The following NPC1L1 variants were observed in gnomAD, a reference collection of about 807,000 sequenced individuals.
NPC1L1 encodes the protein NPC1 like intracellular cholesterol transporter 1, also known as NPC1-like intracellular cholesterol transporter 1.
A neutral mutation model predicts 117.0 loss-of-function variants in NPC1L1; 98 were observed. The ratio of observed to expected loss-of-function variants is 0.84; its 90% CI spans 0.71 to 0.99. NPC1L1 has a LOEUF of 0.99. Ranked by LOEUF, NPC1L1 falls within the 50% of genes least tolerant of loss-of-function variation. NPC1L1 has a pLI of 0.00. For missense variants in NPC1L1, 1,540 were observed against 1,710.0 expected (o/e 0.90, Z 1.75); for synonymous variants, 729 against 727.6 (o/e 1.00, Z -0.03).
intron 18 of NPC1L1, among the ~76,000 whole-genome samples, chr7:44,513,954 AC>A (rs1420886890): frequency 6.6e-6 from 1 of 151,192 alleles, no homozygotes; most frequent in African/African-American, 2.4e-5. Flanking sequence ...CTCATCCACC[AC>A]CCCCAGCGCA....
At chr7:44,530,967 G>C (rs1367184482) in intron 10 of NPC1L1, among the ~76,000 whole-genome samples, 2 of 152,152 alleles carry the variant, frequency 1.3e-5, no homozygotes, top group Non-Finnish European at 2.9e-5. Context: ...CCAGTACCCA[G>C]ACCCTTGCCC....
chr7:44,523,131 C>T (rs1801410928), intron 10 of NPC1L1, among the ~76,000 whole-genome samples: 1 of 152,214 alleles, frequency 6.6e-6, no homozygotes, highest in Non-Finnish European at 1.5e-5. Flanking sequence ...TCTCTGCTCA[C>T]TGCAACCTCC....
intron 10 of NPC1L1, among the ~76,000 whole-genome samples, chr7:44,527,482 A>AAAAAAC: frequency 6.6e-6 from 1 of 150,824 alleles, no homozygotes; most frequent in African/African-American, 2.5e-5. Flanking sequence ...AAAAAAAAAA[A>AAAAAAC]AAAAGACATC....
At chr7:44,526,009 T>G (rs919790789) in intron 10 of NPC1L1, among the ~76,000 whole-genome samples, 2 of 148,276 alleles carry the variant, frequency 1.3e-5, no homozygotes, top group Admixed American at 6.7e-5. Context: ...CTACTGAAAA[T>G]ACAAAAATTA....
Position 44,536,860 on chromosome 7 carries a change from C to G in NPC1L1, c.1663G>C (p.Ala555Pro). The change falls in exon 3 of 19, where the codon GCC (alanine) becomes CCC (proline). Residue 555 changes from alanine to proline, a missense_variant. Physicochemically the swap from Ala to Pro is conservative, Grantham distance 27. This residue lies in a region of NPC1L1 where 793 missense variants were observed against 820.4 expected (regional missense o/e 0.97). Transcript: ENST00000381160. The surrounding 1 kb of genome is among the most constrained non-coding windows in gnomAD (Gnocchi z 4.7). ...DYGAPVFPFL[A>P]IGGYKGKDYS... ...AGCTTACCTTTGTACCCCCCAATGG[C>G]AAGGAAGGGGAAGACAGGGGCCCCG... The G allele has an allele frequency of 6.2e-7, 1 of 1,614,046 alleles. No homozygotes were observed. Among genetic ancestry groups the G allele is most frequent in the Non-Finnish European group, 8.5e-7 (1 of 1,179,910 alleles).
intron 12 of NPC1L1, among the ~76,000 whole-genome samples, 172 bp from the exon 13 acceptor site, chr7:44,521,290 T>C (rs1801345249): frequency 6.6e-6 from 1 of 152,188 alleles, no homozygotes; most frequent in African/African-American, 2.4e-5. Context: ...CTCTTGGCTA[T>C]AGAAACTGTG....
intron 10 of NPC1L1, among the ~76,000 whole-genome samples, chr7:44,528,938 G>GCT (rs971021974): frequency 5.9e-5 from 9 of 151,980 alleles, no homozygotes; most frequent in African/African-American, 1.9e-4. Flanking sequence ...AGGCATGGTG[G>GCT]CATGCACCTA....
At chr7:44,517,426 C>A in intron 14 of NPC1L1, 69 bp from the exon 15 acceptor site, 8 of 1,578,578 alleles carry the variant, frequency 5.1e-6, no homozygotes, top group Non-Finnish European at 6.9e-6. Context: ...AACTTCAGAA[C>A]ACCGCAGACG....
intron 10 of NPC1L1, among the ~76,000 whole-genome samples, chr7:44,524,408 G>T (rs1456329707): frequency 2.6e-5 from 4 of 151,992 alleles, no homozygotes; most frequent in Non-Finnish European, 5.9e-5. Context: ...TTAACCAACA[G>T]AAACTGTTCC....
At position 44,535,319 on chromosome 7, in the gene NPC1L1, G is replaced by A. The variant is rs511711; in HGVS notation, c.1983+521C>T. On this transcript the variant is annotated intron_variant, in intron 5 of 18. Transcript: ENST00000381160. ...GCGGAGGTTGCAGTGAGCCGAGATCGCGCCGTTACACTGCAGCCTGGGCAA... is the reference window on the plus strand; with the variant it reads ...GCGGAGGTTGCAGTGAGCCGAGATCACGCCGTTACACTGCAGCCTGGGCAA... Among the ~76,000 whole-genome samples, 484 of 151,660 alleles carry A rather than the reference G, an allele frequency of 3.2e-3. 4 individuals carry two copies. The highest frequency in any genetic ancestry group is 0.011 in the African/African-American group (446 of 41,324).
In NPC1L1 at chr7:44,515,889, A is replaced by T; in HGVS notation, c.3710T>A (p.Ile1237Asn). The T allele has an allele frequency of 6.2e-7, 1 of 1,614,116 alleles. No homozygotes were observed. The highest frequency in any genetic ancestry group is 1.3e-5 in the African/African-American group (1 of 75,024). The change falls in exon 18 of 19, where the codon ATC becomes AAC. Residue 1237 changes from isoleucine (I) to asparagine (N), a missense_variant. This residue lies in a region of NPC1L1 where 742 missense variants were observed against 873.6 expected (regional missense o/e 0.85). Coordinates refer to ENST00000381160, the MANE Select transcript of NPC1L1 (RefSeq NM_001101648.2). ...CAGGAGGTTGAGGCGGAAGAAGAAGATCTGAATGAGCTGGGCCTTGGCGAG... is the reference window on the plus strand; with the variant it reads ...CAGGAGGTTGAGGCGGAAGAAGAAGTTCTGAATGAGCTGGGCCTTGGCGAG... ...LGLAKAQLIQ[I>N]FFFRLNLLIT... is the part of the protein sequence containing the mutation.
Position 44,536,040 on chromosome 7 carries a change from T to C in NPC1L1, c.1855-72A>G. 2 of 1,609,426 alleles carry C rather than the reference T, an allele frequency of 1.2e-6. No individual in the cohort carries two copies. Among genetic ancestry groups the C allele is most frequent in the South Asian group, 1.1e-5 (1 of 90,512 alleles). ...GCCAGGCCAGCTCTCAATAGCTCGG[T>C]CACTGGGCACTAATTGTGTGTTGTG... is the stretch of plus-strand genomic sequence containing the variant. On this transcript the variant is annotated intron_variant, in intron 4 of 18. Transcript: ENST00000381160. The surrounding 1 kb of genome is among the most constrained non-coding windows in gnomAD (Gnocchi z 4.7).
At chr7:44,520,154 C>T (rs1343982033) in intron 14 of NPC1L1, among the ~76,000 whole-genome samples, 3 of 152,052 alleles carry the variant, frequency 2.0e-5, no homozygotes, top group Non-Finnish European at 2.9e-5. Flanking sequence ...ATGGTATGCT[C>T]CTATAGTCCC....
chr7:44,532,193 A>C lies in NPC1L1; in HGVS notation c.2434T>G (p.Cys812Gly). 6.2e-7 allele frequency: 1 copy of C among 1,613,886 alleles called. No individual in the cohort carries two copies. The highest frequency in any genetic ancestry group is 8.5e-7 in the Non-Finnish European group (1 of 1,180,000). The change falls in exon 9 of 19, where the codon TGT (cysteine) becomes GGT (glycine). Residue 812 changes from cysteine to glycine, a missense_variant. By Grantham distance (159) the Cys-to-Gly change is radical. Coordinates refer to ENST00000381160, the MANE Select transcript of NPC1L1 (RefSeq NM_001101648.2). ...QEASRLDVCC[C>G]VKPQELPPPG... is the part of the protein sequence containing the mutation. ...GGGGGCAGCTCCTGGGGCTTGACAC[A>C]GCAGCAGACGTCCAACCGGGAGGCC... is the stretch of plus-strand genomic sequence containing the variant.
rs767543927 is a variant in NPC1L1 at position 44,541,248 on chromosome 7, G to C, written c.12C>G (p.Ala4=). Residue 4 remains alanine (A), a synonymous_variant, in exon 1 of 19, where the codon GCC becomes GCG. Coordinates refer to ENST00000381160, the MANE Select transcript of NPC1L1 (RefSeq NM_001101648.2). MAE[A]GLRGWLLWAL... The stretch of plus-strand genomic sequence containing the variant: ...CCCACAGCAGCCAGCCCCTCAGGCC[G>C]GCCTCCGCCATCCCAGGTCTGGGAA... 2.6e-6 allele frequency: 4 copies of C among 1,549,910 alleles called. No individual in the cohort carries two copies. In the South Asian group the frequency reaches 3.6e-5, roughly 14 times the overall value.
At chr7:44,533,656 C>T in intron 7 of NPC1L1, 83 bp downstream of exon 7, 1 of 1,606,438 alleles carries the variant, frequency 6.2e-7, no homozygotes, top group Non-Finnish European at 8.5e-7. Context: ...CTGCACTATA[C>T]CCACTGCCCT....
intron 14 of NPC1L1, 34 bp downstream of exon 14, chr7:44,520,731 T>C (rs772003934): frequency 6.2e-7 from 1 of 1,605,046 alleles, no homozygotes; most frequent in South Asian, 1.1e-5. Flanking sequence ...AGCAACCGAT[T>C]TATGTCCTCC....
At position 44,533,541 on chromosome 7, in the gene NPC1L1, G is replaced by C. The variant is rs751816093; in HGVS notation, c.2299C>G (p.Pro767Ala). 3.7e-6 allele frequency: 6 copies of C among 1,614,218 alleles called. No homozygotes were observed. The highest frequency in any genetic ancestry group is 5.1e-6 in the Non-Finnish European group (6 of 1,180,036). Residue 767 changes from proline to alanine, a missense_variant, in exon 8 of 19, where the codon CCA (proline) becomes GCA (alanine). Coordinates refer to ENST00000381160, the MANE Select transcript of NPC1L1 (RefSeq NM_001101648.2). Reference protein sequence around the residue: ...CFFLGALTPMPAVRTFALTSG... With the variant: ...CFFLGALTPMAAVRTFALTSG... Reference sequence around the variant, plus strand: ...GTCAGGGCAAAGGTCCGCACAGCTGGCATGGGGGTCAGGGCCCCTGTGAGG... The same window carrying C: ...GTCAGGGCAAAGGTCCGCACAGCTGCCATGGGGGTCAGGGCCCCTGTGAGG...
intron 7 of NPC1L1, 24 bp downstream of exon 7, chr7:44,533,715 T>G (rs775155485): frequency 6.2e-7 from 1 of 1,611,794 alleles, no homozygotes; most frequent in South Asian, 1.1e-5. Context: ...TAATGCCGAG[T>G]GGGGAGGTCT....
Sources: allele counts gnomAD v4.1 joint callset (sites outside exome capture counted in the v4.1 genomes callset), GRCh38; gene constraint gnomAD v4.1.1; regional missense constraint gnomAD v4.1.1; non-coding constraint Gnocchi (gnomAD v3.1); transcripts MANE v1.5; gene names NCBI Gene and HGNC (gene_info 2026-07-23, HGNC 2026-07-21).